Variants in ZNF792 observed in about 807,000 individuals in gnomAD.
ZNF792 encodes zinc finger protein 792.
A neutral mutation model predicts 13.1 loss-of-function variants in ZNF792; 14 were observed. That is an observed-to-expected ratio of 1.07 (90% CI 0.71 to 1.67). ZNF792 has a LOEUF of 1.67. Among genes scored for constraint, ZNF792 ranks in the 40% most tolerant of loss-of-function variants. ZNF792 has a pLI of 0.00. For synonymous variants in ZNF792, 257 were observed against 292.0 expected (o/e 0.88, Z 1.22); for missense variants, 740 against 807.9 (o/e 0.92, Z 1.02).
Position 34,959,382 on chromosome 19 carries a change from T to G in ZNF792, c.473A>C (p.Lys158Thr). 1 of 1,614,134 alleles carries G rather than the reference T, an allele frequency of 6.2e-7. No individual in the cohort carries two copies. The highest frequency in any genetic ancestry group is 8.5e-7 in the Non-Finnish European group (1 of 1,179,972). ...AEHQTTHPRQKPFVCEAYVKG... is the reference protein window; with the variant it reads ...AEHQTTHPRQTPFVCEAYVKG... ...CACATATGCCTCACACACAAATGGT[T>G]TCTGCCTGGGATGTGTTGTCTGGTG... The change falls in exon 4 of 4, where the codon AAA (lysine) becomes ACA (threonine). Residue 158 changes from lysine (K) to threonine (T), a missense_variant. By Grantham distance (78) the Lys-to-Thr change is moderately conservative. Transcript: ENST00000404801.
intron 1 of ZNF792, 136 bp downstream of exon 1, chr19:34,963,494 T>G (rs1278434453): frequency 3.1e-6 from 4 of 1,306,946 alleles, no homozygotes; most frequent in Non-Finnish European, 4.3e-6. Context: ...GCAACTCCCT[T>G]CCAGGGTCCC....
rs138344206 is a variant in ZNF792 at position 34,959,156 on chromosome 19, G to T, written c.699C>A (p.Ser233Arg). 73 of 1,613,704 alleles carry T rather than the reference G, an allele frequency of 4.5e-5. No individual in the cohort carries two copies. Among genetic ancestry groups the T allele is most frequent in the Non-Finnish European group, 5.9e-5 (70 of 1,179,738 alleles). ...AGFLQCEVTPSDGEPHEATEG... is the reference protein window; with the variant it reads ...AGFLQCEVTPRDGEPHEATEG... ...CGGTGGCCTCGTGCGGCTCCCCATC[G>T]CTGGGAGTGACCTCACACTGCAGAA... The change falls in exon 4 of 4, where the codon AGC (serine) becomes AGA (arginine). Residue 233 changes from serine (S) to arginine (R), a missense_variant. Coordinates refer to ENST00000404801, the MANE Select transcript of ZNF792 (RefSeq NM_175872.5).
Position 34,958,985 on chromosome 19 carries a change from G to A in ZNF792, c.870C>T (p.Phe290=). Residue 290 remains phenylalanine (F), a synonymous_variant, in exon 4 of 4, where the codon TTC becomes TTT. Coordinates refer to ENST00000404801, the MANE Select transcript of ZNF792 (RefSeq NM_175872.5). ...GAGTGAGGTCAGCGGCGTAAGTGAA[G>A]AAGATTCCACATTTGCTGCATTCAT... is the stretch of plus-strand genomic sequence containing the variant. ...RPYECSKCGI[F]FTYAADLTQH... 1 of 1,614,072 alleles carries A rather than the reference G, an allele frequency of 6.2e-7. No individual in the cohort carries two copies. Among genetic ancestry groups the A allele is most frequent in the South Asian group, 1.1e-5 (1 of 91,072 alleles).
rs538118789 is a variant in ZNF792 at position 34,959,453 on chromosome 19, A to G, written c.402T>C (p.Cys134=). 2 of 1,614,034 alleles carry G rather than the reference A, an allele frequency of 1.2e-6. No homozygotes were observed. Among genetic ancestry groups the G allele is most frequent in the East Asian group, 4.5e-5 (2 of 44,880 alleles). ...CTTTCAAACGTAGGCCACATATGTC[A>G]CAGGGGCAGGTCTTCTGGGGGCACA... ...ATLCPQKTCP[C]DICGLRLKDI... Residue 134 remains cysteine, a synonymous_variant, in exon 4 of 4, where the codon TGT becomes TGC. Coordinates refer to ENST00000404801, the MANE Select transcript of ZNF792 (RefSeq NM_175872.5).
At chr19:34,959,764 T>C (rs1409535085) in intron 3 of ZNF792, among the ~76,000 whole-genome samples, 193 bp from the exon 4 acceptor site, 2 of 152,138 alleles carry the variant, frequency 1.3e-5, no homozygotes, top group East Asian at 3.9e-4. Flanking sequence ...GGAGGCCTTA[T>C]CAGGACCAGG....
chr19:34,960,743 T>C, intron 2 of ZNF792, 125 bp downstream of exon 2: 2 of 1,456,158 alleles, frequency 1.4e-6, no homozygotes, highest in Non-Finnish European at 1.9e-6. Context: ...ACAACACACA[T>C]ACCAGGAAAG....
At position 34,959,052 on chromosome 19, in the gene ZNF792, G is replaced by A; in HGVS notation, c.803C>T (p.Thr268Ile). ...ESGDAFNNKSTLVQHQRIHSR... is the reference protein window; with the variant it reads ...ESGDAFNNKSILVQHQRIHSR... The stretch of plus-strand genomic sequence containing the variant: ...GTGGATTCTCTGGTGCTGAACAAGA[G>A]TGGATTTGTTATTGAAGGCATCCCC... Residue 268 changes from threonine to isoleucine, a missense_variant, in exon 4 of 4, where the codon ACT becomes ATT. Physicochemically the swap from Thr to Ile is moderately conservative, Grantham distance 89. Coordinates refer to ENST00000404801, the MANE Select transcript of ZNF792 (RefSeq NM_175872.5). The A allele has an allele frequency of 6.2e-7, 1 of 1,614,200 alleles. No homozygotes were observed. Among genetic ancestry groups the A allele is most frequent in the Non-Finnish European group, 8.5e-7 (1 of 1,179,996 alleles).
chr19:34,962,201 A>G (rs1309167245), intron 1 of ZNF792, among the ~76,000 whole-genome samples: 1 of 152,156 alleles, frequency 6.6e-6, no homozygotes, highest in African/African-American at 2.4e-5. Flanking sequence ...CCGTCCACAC[A>G]CCAGATGTCA....
chr19:34,959,144 C>T lies in ZNF792; in HGVS notation c.711G>A (p.Pro237=), dbSNP rs547082818. The change falls in exon 4 of 4, where the codon CCG becomes CCA. Residue 237 remains proline (P), a synonymous_variant. Coordinates refer to ENST00000404801, the MANE Select transcript of ZNF792 (RefSeq NM_175872.5). ...QCEVTPSDGE[P]HEATEGVVDF... ...CCACCACACCTTCGGTGGCCTCGTG[C>T]GGCTCCCCATCGCTGGGAGTGACCT... 83 of 1,613,632 alleles carry T rather than the reference C, an allele frequency of 5.1e-5. No individual in the cohort carries two copies. The East Asian group carries it at 7.8e-4, about 15-fold the overall frequency.
At position 34,957,900 on chromosome 19, in the gene ZNF792, T is replaced by C; in HGVS notation, c.*56A>G. The C allele has an allele frequency of 6.6e-7, 1 of 1,505,776 alleles. No homozygotes were observed. Among genetic ancestry groups the C allele is most frequent in the South Asian group, 1.4e-5 (1 of 73,100 alleles). The allele number at this position is 1,505,776 out of a possible 1,614,324, so 93.3% of individuals were successfully genotyped here. On this transcript the variant is annotated 3_prime_UTR_variant, in exon 4 of 4. Transcript: ENST00000404801. ...CAGCAGTGAAAAAACGCTGATAAAC[T>C]CTACAGTAAGAGAATGTAACTTGTC...
intron 1 of ZNF792, among the ~76,000 whole-genome samples, chr19:34,962,364 G>A (rs1381782585): frequency 3.9e-5 from 6 of 152,224 alleles, no homozygotes; most frequent in African/African-American, 2.4e-5. Flanking sequence ...GGCTTCAGGC[G>A]TGCCCTGGTT....
Position 34,957,713 on chromosome 19 carries a change from G to A in ZNF792, c.*243C>T, listed in dbSNP as rs982598541. 3 of 464,068 alleles carry A rather than the reference G, an allele frequency of 6.5e-6. No individual in the cohort carries two copies. The highest frequency in any genetic ancestry group is 1.1e-5 in the Non-Finnish European group (3 of 265,370). The allele number at this position is 464,068 out of a possible 1,614,324, so 28.7% of individuals were successfully genotyped here. A position where few individuals can be genotyped will look rare whatever the true frequency, so the allele number is the denominator to read the frequency against. On this transcript the variant is annotated 3_prime_UTR_variant, in exon 4 of 4. Transcript: ENST00000404801. ...TGTCCATGGCTAAACCAGCCATACA[G>A]GGCGGGAATGACATCTTCCCAAGGC... is the stretch of plus-strand genomic sequence containing the variant.
rs375304365 is a variant in ZNF792, at chr19:34,958,620, T to A, written c.1235A>T (p.His412Leu). 6.2e-7 allele frequency: 1 copy of A among 1,613,392 alleles called. No individual in the cohort carries two copies. The highest frequency in any genetic ancestry group is 1.1e-5 in the South Asian group (1 of 90,980). ...TCTTTCTCCAGTGTGAACTCTCCAATGTTTAATTAGGCTGGAGTTGCAGTT... is the reference window on the plus strand; with the variant it reads ...TCTTTCTCCAGTGTGAACTCTCCAAAGTTTAATTAGGCTGGAGTTGCAGTT... Reference protein sequence around the residue: ...SFNCNSSLIKHWRVHTGERPY... With the variant: ...SFNCNSSLIKLWRVHTGERPY... The change falls in exon 4 of 4, where the codon CAT (histidine) becomes CTT (leucine). Residue 412 changes from histidine (H) to leucine (L), a missense_variant. Physicochemically the swap from His to Leu is moderately conservative, Grantham distance 99. Coordinates refer to ENST00000404801, the MANE Select transcript of ZNF792 (RefSeq NM_175872.5).
At position 34,958,275 on chromosome 19, in the gene ZNF792, A is replaced by G. The variant is rs1199350103; in HGVS notation, c.1580T>C (p.Leu527Pro). Residue 527 changes from leucine (L) to proline (P), a missense_variant, in exon 4 of 4, where the codon CTT (leucine) becomes CCT (proline). Leu to Pro is a moderately conservative substitution (Grantham distance 98). Transcript: ENST00000404801. ...QSSSLNNHRR[L>P]HTGERPYECS... ...CTCATAAGGCCGCTCGCCGGTGTGA[A>G]GTCTCCGGTGGTTATTGAGGCTGGA... 6.2e-7 allele frequency: 1 copy of G among 1,613,864 alleles called. No homozygotes were observed. Among genetic ancestry groups the G allele is most frequent in the Admixed American group, 1.7e-5 (1 of 60,026 alleles).
At chr19:34,960,784 T>G in intron 2 of ZNF792, 84 bp downstream of exon 2, 1 of 1,602,908 alleles carries the variant, frequency 6.2e-7, no homozygotes, top group South Asian at 1.1e-5. Flanking sequence ...GCGGTCTGGC[T>G]GTGGGAAGGA....
In ZNF792 at chr19:34,958,736, C is replaced by T. The variant is rs943834305; in HGVS notation, c.1119G>A (p.Lys373=). ...TGAGGTTGGAACGCTGGCTGAAGAA[C>T]TTCCCACAGTCGCTGCACTCATATG... ...EKPYECSDCG[K]FFSQRSNLIH... is the part of the protein sequence containing the mutation. Residue 373 remains lysine, a synonymous_variant, in exon 4 of 4, where the codon AAG becomes AAA. Coordinates refer to ENST00000404801, the MANE Select transcript of ZNF792 (RefSeq NM_175872.5). The T allele has an allele frequency of 3.1e-6, 5 of 1,613,688 alleles. No homozygotes were observed. In the Admixed American group the frequency reaches 6.7e-5, roughly 22 times the overall value.
At position 34,963,709 on chromosome 19, in the gene ZNF792, G is replaced by C. The variant is rs1600244834; in HGVS notation, c.-47C>G. ...GGCCCCACGGTGCGGGAAACCACGGGGCGGGGGTAGGGGGTCTCGCAGGCT... is the reference window on the plus strand; with the variant it reads ...GGCCCCACGGTGCGGGAAACCACGGCGCGGGGGTAGGGGGTCTCGCAGGCT... On this transcript the variant is annotated 5_prime_UTR_variant, in exon 1 of 4. Transcript: ENST00000404801. 7.2e-6 allele frequency: 11 copies of C among 1,536,030 alleles called. No individual in the cohort carries two copies. Among genetic ancestry groups the C allele is most frequent in the African/African-American group, 7.0e-5 (5 of 71,766 alleles).
At chr19:34,959,623 A>G (rs898068773) in intron 3 of ZNF792, 52 bp from the exon 4 acceptor site, 3 of 1,504,058 alleles carry the variant, frequency 2.0e-6, no homozygotes, top group Non-Finnish European at 2.7e-6. Flanking sequence ...ATAGAAGGAA[A>G]GAGCCCCATC....
Position 34,959,254 on chromosome 19 carries a change from A to G in ZNF792, c.601T>C (p.Cys201Arg), listed in dbSNP as rs2013488437. 6.2e-7 allele frequency: 1 copy of G among 1,613,874 alleles called. No homozygotes were observed. Among genetic ancestry groups the G allele is most frequent in the Non-Finnish European group, 8.5e-7 (1 of 1,179,894 alleles). ...EEGQASPVKT[C>R]RDHTSDQLST... ...AGCTGATCTGATGTGTGGTCTCTGC[A>G]GGTCTTTACAGGGGAAGCCTGGCCC... is the stretch of plus-strand genomic sequence containing the variant. The change falls in exon 4 of 4, where the codon TGC becomes CGC. Residue 201 changes from cysteine (C) to arginine (R), a missense_variant. Physicochemically the swap from Cys to Arg is radical, Grantham distance 180. Coordinates refer to ENST00000404801, the MANE Select transcript of ZNF792 (RefSeq NM_175872.5).
Sources: gnomAD v4.1 joint callset for allele counts (sites outside exome capture counted in the v4.1 genomes callset) on GRCh38, gnomAD v4.1.1 for gene constraint, MANE v1.5 for transcripts, NCBI Gene and HGNC (gene_info 2026-07-23, HGNC 2026-07-21) for gene names.